SDK1: variants seen among roughly 807,000 people sequenced by gnomAD.
SDK1 encodes sidekick cell adhesion molecule 1.
Under a neutral mutation model 245.5 loss-of-function variants are expected in SDK1, and 157 were observed. That is an observed-to-expected ratio of 0.64 (90% CI 0.56 to 0.73). SDK1 has a LOEUF of 0.73. Among genes scored for constraint, SDK1 ranks in the 30% least tolerant of loss-of-function variants. SDK1 has a pLI of 0.00. For missense variants in SDK1, 3,583 were observed against 3,002.3 expected (o/e 1.19, Z -4.52); for synonymous variants, 1,647 against 1,278.5 (o/e 1.29, Z -6.15).
chr7:4,000,280 G>A (rs544952505), intron 14 of SDK1, among the ~76,000 whole-genome samples: 11 of 152,356 alleles, frequency 7.2e-5, no homozygotes, highest in East Asian at 1.9e-4. Flanking sequence ...TATCCTCCAG[G>A]CAGCTTGTCC....
At chr7:4,258,378 C>T (rs1420049320) in intron 44 of SDK1, among the ~76,000 whole-genome samples, 1 of 152,130 alleles carries the variant, frequency 6.6e-6, no homozygotes, top group East Asian at 1.9e-4. Flanking sequence ...CAGAGAGATG[C>T]CCAAAGGGTC....
intron 4 of SDK1, among the ~76,000 whole-genome samples, chr7:3,798,087 A>C (rs1046226647): frequency 6.6e-6 from 1 of 151,380 alleles, no homozygotes; most frequent in Non-Finnish European, 1.5e-5. Flanking sequence ...CCTTTTTCCC[A>C]GTTTTTTTTC....
chr7:3,526,070 A>G (rs1373990172), intron 1 of SDK1, among the ~76,000 whole-genome samples: 1 of 152,088 alleles, frequency 6.6e-6, no homozygotes, highest in Non-Finnish European at 1.5e-5. Flanking sequence ...CCCTGTCTCT[A>G]CTAAAAATAC....
chr7:3,397,480 TC>T (rs149809048), intron 1 of SDK1, among the ~76,000 whole-genome samples: 45,118 of 150,094 alleles, frequency 0.3, 9,677 homozygotes, highest in African/African-American at 0.61. Context: ...GTCTTTTCTT[TC>T]CCCCCCCCAG....
chr7:4,078,786 C>G (rs755093049), intron 21 of SDK1, among the ~76,000 whole-genome samples: 2 of 152,152 alleles, frequency 1.3e-5, no homozygotes, highest in Non-Finnish European at 2.9e-5. Flanking sequence ...GCTTGAGCCA[C>G]GGGCACCCTC....
At chr7:3,611,122 G>C (rs1402428909) in intron 1 of SDK1, among the ~76,000 whole-genome samples, 7 of 152,176 alleles carry the variant, frequency 4.6e-5, no homozygotes, top group Non-Finnish European at 8.8e-5. Flanking sequence ...GTAAAATACA[G>C]AGAAGTTGGG....
intron 3 of SDK1, among the ~76,000 whole-genome samples, chr7:3,640,595 AGAG>A (rs942203819): frequency 2.6e-5 from 4 of 152,138 alleles, no homozygotes; most frequent in East Asian, 1.9e-4. Context: ...TATTTTAAGA[AGAG>A]CTTCAAAATT....
intron 1 of SDK1, among the ~76,000 whole-genome samples, chr7:3,518,149 G>A (rs1782809481): frequency 6.6e-6 from 1 of 152,074 alleles, no homozygotes; most frequent in South Asian, 2.1e-4. Flanking sequence ...TACCCAGTTT[G>A]AGTATGAGGC....
intron 25 of SDK1, among the ~76,000 whole-genome samples, chr7:4,116,587 G>T (rs1191272433): frequency 2.6e-5 from 4 of 152,240 alleles, no homozygotes; most frequent in Non-Finnish European, 4.4e-5. Flanking sequence ...GCAATGCACA[G>T]AAGCCCCCTG....
rs545975840 is a variant in SDK1, at chr7:3,602,996, A to G, written c.299-16084A>G. On this transcript the variant is annotated intron_variant, in intron 1 of 44. Transcript: ENST00000404826. ...AAAGATCAGATAGTTGTAGATATAC[A>G]TGCAGCATTATTTCTGAGGGCTCTG... Among the ~76,000 whole-genome samples the G allele has an allele frequency of 2.7e-4, 41 of 152,232 alleles. 1 individual carries two copies. Among genetic ancestry groups the G allele is most frequent in the African/African-American group, 9.4e-4 (39 of 41,560 alleles).
chr7:3,805,929 C>T (rs559643498), intron 4 of SDK1, among the ~76,000 whole-genome samples: 4 of 152,132 alleles, frequency 2.6e-5, no homozygotes, highest in Non-Finnish European at 5.9e-5. Flanking sequence ...CCTTTGCCCC[C>T]TCTTCTTCCT....
chr7:3,529,590 GAGGA>G (rs918380258), intron 1 of SDK1, among the ~76,000 whole-genome samples: 6 of 152,130 alleles, frequency 3.9e-5, no homozygotes, highest in Admixed American at 1.3e-4. Context: ...TAGAATGGCT[GAGGA>G]AGGAAGGAGT....
intron 43 of SDK1, among the ~76,000 whole-genome samples, chr7:4,244,252 C>G (rs1467958622): frequency 2.6e-5 from 4 of 152,200 alleles, no homozygotes; most frequent in Non-Finnish European, 5.9e-5. Flanking sequence ...GACACTTCCT[C>G]TGTAGCTGCC....
intron 1 of SDK1, among the ~76,000 whole-genome samples, chr7:3,398,324 G>A (rs757491117): frequency 2.0e-4 from 31 of 152,026 alleles, no homozygotes; most frequent in African/African-American, 2.7e-4. Context: ...AAGGTGTTGC[G>A]GAGAGGAAAC....
intron 14 of SDK1, among the ~76,000 whole-genome samples, chr7:3,999,222 A>G (rs1784895502): frequency 6.6e-6 from 1 of 151,962 alleles, no homozygotes; most frequent in South Asian, 2.1e-4. Flanking sequence ...TCTCTCCTTT[A>G]GTTTCTTTCT....
chr7:4,059,572 T>G, intron 19 of SDK1, among the ~76,000 whole-genome samples: 1 of 152,230 alleles, frequency 6.6e-6, no homozygotes, highest in Non-Finnish European at 1.5e-5. Context: ...GGATTTAAAC[T>G]GCGCTTTAGA....
chr7:3,512,514 T>C (rs915844395), intron 1 of SDK1, among the ~76,000 whole-genome samples: 3 of 152,198 alleles, frequency 2.0e-5, no homozygotes, highest in Admixed American at 2.0e-4. Flanking sequence ...CGGGTATGTT[T>C]CGTTTTGTAA....
intron 1 of SDK1, among the ~76,000 whole-genome samples, chr7:3,562,819 G>C (rs1779788297): frequency 6.6e-6 from 1 of 151,478 alleles, no homozygotes; most frequent in South Asian, 2.1e-4. Flanking sequence ...AGCTATACAA[G>C]ACCTTATAAA....
intron 1 of SDK1, among the ~76,000 whole-genome samples, chr7:3,479,676 A>G (rs896141319): frequency 6.6e-6 from 1 of 152,002 alleles, no homozygotes; most frequent in Admixed American, 6.5e-5. Flanking sequence ...AGCCTGGGCA[A>G]CATAGTGAAA....
Sources: allele counts gnomAD v4.1 joint callset (sites outside exome capture counted in the v4.1 genomes callset), GRCh38; gene constraint gnomAD v4.1.1; transcripts MANE v1.5; gene names NCBI Gene and HGNC (gene_info 2026-07-23, HGNC 2026-07-21).